RASA1: variants seen among roughly 807,000 people sequenced by gnomAD.
The protein encoded by RASA1 is RAS p21 protein activator 1.
A neutral mutation model predicts 132.2 loss-of-function variants in RASA1; 25 were observed. The ratio of observed to expected loss-of-function variants is 0.19; its 90% CI spans 0.14 to 0.26. The LOEUF (loss-of-function observed/expected upper bound fraction) is 0.26, where lower values mean the gene tolerates loss of function less well. RASA1 is among the 10% of genes least tolerant of loss of function. The pLI is 1.00. For missense variants in RASA1, 964 were observed against 1,299.2 expected, an observed-to-expected ratio of 0.74 and a Z score of 3.97; for synonymous variants, 477 against 449.9, an observed-to-expected ratio of 1.06 and a Z score of -0.76.
At position 87,380,542 on chromosome 5, in the gene RASA1, A is replaced by T; in HGVS notation, c.2637A>T (p.Lys879Asn). ...GATATATTTATGGGTGTTTACAGAAATCTGTTCAGCATAAGTGGCCTACAA... is the reference window on the plus strand; with the variant it reads ...GATATATTTATGGGTGTTTACAGAATTCTGTTCAGCATAAGTGGCCTACAA... Reference protein sequence around the residue: ...TLRYIYGCLQKSVQHKWPTNT... With the variant: ...TLRYIYGCLQNSVQHKWPTNT... The change falls in exon 20 of 25, where the codon AAA becomes AAT. Residue 879 changes from lysine (K) to asparagine (N), a missense_variant. Physicochemically the swap from Lys to Asn is moderately conservative, Grantham distance 94. Around this residue, in one of 6 missense-constraint regions of RASA1, gnomAD observed 346 missense variants for 520.1 expected, o/e 0.67. Transcript: ENST00000274376. 1.2e-6 allele frequency: 2 copies of T among 1,613,424 alleles called. No homozygotes were observed. The highest frequency in any genetic ancestry group is 1.7e-6 in the Non-Finnish European group (2 of 1,179,516).
In RASA1 at chr5:87,275,779, C is replaced by T. The variant is rs182820375; in HGVS notation, c.539+6789C>T. ...GGAGATGGGGTTTCACCATGTTGGC[C>T]AGGCTGGTCTCGAACTCCTGACCTC... On this transcript the variant is annotated intron_variant, in intron 1 of 24. Transcript: ENST00000274376. Among the ~76,000 whole-genome samples, 549 of 152,262 alleles carry T rather than the reference C, an allele frequency of 3.6e-3. 9 individuals carry two copies. Among genetic ancestry groups the T allele is most frequent in the Admixed American group, 3.8e-3 (58 of 15,286 alleles).
At chr5:87,383,572 C>G in intron 20 of RASA1, 141 bp from the exon 21 acceptor site, 1 of 586,660 alleles carries the variant, frequency 1.7e-6, no homozygotes, top group Non-Finnish European at 2.9e-6. Context: ...CTTTCTGTGT[C>G]TGGGCTTTCT....
At chr5:87,312,469 T>C (rs1349280620) in intron 1 of RASA1, among the ~76,000 whole-genome samples, 1 of 152,212 alleles carries the variant, frequency 6.6e-6, no homozygotes, top group African/African-American at 2.4e-5. Flanking sequence ...CATTTAAGAT[T>C]TTCTGAGTTC....
At chr5:87,277,111 A>G (rs763519465) in intron 1 of RASA1, among the ~76,000 whole-genome samples, 1 of 152,150 alleles carries the variant, frequency 6.6e-6, no homozygotes, top group East Asian at 1.9e-4. Flanking sequence ...AATTCTTACA[A>G]TGATATAGTG....
At chr5:87,388,496 T>A (rs1441709320) in intron 23 of RASA1, among the ~76,000 whole-genome samples, 1 of 152,178 alleles carries the variant, frequency 6.6e-6, no homozygotes, top group Non-Finnish European at 1.5e-5. Flanking sequence ...AATTTTGGAT[T>A]TTTGGATTGG....
chr5:87,283,374 T>C (rs1372952902), intron 1 of RASA1, among the ~76,000 whole-genome samples: 1 of 152,002 alleles, frequency 6.6e-6, no homozygotes, highest in Non-Finnish European at 1.5e-5. Context: ...ATCCAAGTTG[T>C]GACTTTCTTG....
intron 1 of RASA1, among the ~76,000 whole-genome samples, chr5:87,285,559 TCTTAA>T (rs1754513805): frequency 6.6e-6 from 1 of 151,056 alleles, no homozygotes; most frequent in South Asian, 2.1e-4. Flanking sequence ...GCAATTCTCT[TCTTAA>T]CTTTTTATTT....
intron 1 of RASA1, among the ~76,000 whole-genome samples, chr5:87,281,217 A>G (rs1184737043): frequency 1.3e-5 from 2 of 151,676 alleles, no homozygotes; most frequent in African/African-American, 2.4e-5. Flanking sequence ...CACAAGGGTT[A>G]GAATTTCTCT....
intron 11 of RASA1, among the ~76,000 whole-genome samples, chr5:87,364,294 C>T (rs897136333): frequency 3.3e-5 from 5 of 152,050 alleles, no homozygotes; most frequent in Admixed American, 3.3e-4. Flanking sequence ...AAATATATAG[C>T]CTTGTCATTT....
At chr5:87,288,203 C>G (rs930940904) in intron 1 of RASA1, among the ~76,000 whole-genome samples, 3 of 146,906 alleles carry the variant, frequency 2.0e-5, no homozygotes, top group Non-Finnish European at 4.5e-5. Context: ...ATATATATAC[C>G]AGAAGCAATT....
intron 1 of RASA1, among the ~76,000 whole-genome samples, chr5:87,280,539 C>G (rs1036509735): frequency 6.6e-6 from 1 of 151,742 alleles, no homozygotes; most frequent in Non-Finnish European, 1.5e-5. Context: ...TCCTGAACTC[C>G]TGACCTCAAG....
At chr5:87,302,612 AG>A (rs1755418516) in intron 1 of RASA1, among the ~76,000 whole-genome samples, 1 of 151,510 alleles carries the variant, frequency 6.6e-6, no homozygotes, top group Non-Finnish European at 1.5e-5. Flanking sequence ...TGTATAGTAT[AG>A]TATACTATAC....
At chr5:87,312,545 C>T (rs1347050918) in intron 1 of RASA1, among the ~76,000 whole-genome samples, 4 of 152,130 alleles carry the variant, frequency 2.6e-5, no homozygotes, top group Non-Finnish European at 5.9e-5. Context: ...TAGGGGCCAG[C>T]AATTTTTTAA....
intron 1 of RASA1, among the ~76,000 whole-genome samples, chr5:87,329,013 C>CT (rs1431409192): frequency 6.6e-6 from 1 of 152,040 alleles, no homozygotes; most frequent in Non-Finnish European, 1.5e-5. Flanking sequence ...ACATGTTTTG[C>CT]TTTATGTGTT....
chr5:87,270,368 G>A (rs1207120426), intron 1 of RASA1, among the ~76,000 whole-genome samples: 1 of 148,060 alleles, frequency 6.8e-6, no homozygotes, highest in Non-Finnish European at 1.5e-5. Flanking sequence ...CCACCCCAGA[G>A]ATGGAGTCTC....
intron 19 of RASA1, among the ~76,000 whole-genome samples, chr5:87,380,244 G>A (rs765483250): frequency 6.6e-6 from 1 of 152,132 alleles, no homozygotes; most frequent in East Asian, 1.9e-4. Context: ...TCTAAATCTT[G>A]CTCCCCAGAA....
intron 4 of RASA1, among the ~76,000 whole-genome samples, chr5:87,334,353 C>T (rs1757809715): frequency 6.6e-6 from 1 of 152,082 alleles, no homozygotes; most frequent in Non-Finnish European, 1.5e-5. Context: ...TTGTTCTGTT[C>T]AGACCCTCAG....
intron 1 of RASA1, among the ~76,000 whole-genome samples, chr5:87,329,562 A>T (rs1003551988): frequency 6.6e-6 from 1 of 152,228 alleles, no homozygotes; most frequent in Admixed American, 6.5e-5. Flanking sequence ...ATCTCTGTGT[A>T]TCATTTCAAT....
At chr5:87,332,781 CAG>C (rs1680380037) in intron 3 of RASA1, 139 bp downstream of exon 3, 2 of 870,308 alleles carry the variant, frequency 2.3e-6, no homozygotes, top group African/African-American at 3.5e-5. Context: ...GTTATAATGT[CAG>C]AACAAAATGG....
Sources: gnomAD v4.1 joint callset for allele counts (sites outside exome capture counted in the v4.1 genomes callset) on GRCh38, gnomAD v4.1.1 for gene constraint, gnomAD v4.1.1 regional missense constraint, MANE v1.5 for transcripts, NCBI Gene and HGNC (gene_info 2026-07-23, HGNC 2026-07-21) for gene names.